LARGE1: variants seen among roughly 807,000 people sequenced by gnomAD.
LARGE1 encodes xylosyl- and glucuronyltransferase LARGE1.
In LARGE1, 43 loss-of-function variants were observed where a neutral mutation model predicts 87.6. The ratio of observed to expected loss-of-function variants is 0.49; its 90% CI spans 0.38 to 0.63. LARGE1 has a LOEUF of 0.63. Ranked by LOEUF, LARGE1 falls within the 30% of genes least tolerant of loss-of-function variation. The pLI is 0.00. For missense variants in LARGE1, 802 were observed against 1,000.2 expected, an observed-to-expected ratio of 0.80 and a Z score of 2.67; for synonymous variants, 434 against 394.6, an observed-to-expected ratio of 1.10 and a Z score of -1.18.
At chr22:33,579,178 A>G (rs1208564316) in intron 5 of LARGE1, among the ~76,000 whole-genome samples, 1 of 152,142 alleles carries the variant, frequency 6.6e-6, no homozygotes, top group African/African-American at 2.4e-5. Context: ...AGGTAATTGA[A>G]TCATGGGGGC....
chr22:33,337,256 G>T (rs879404832), intron 10 of LARGE1, among the ~76,000 whole-genome samples: 8 of 152,036 alleles, frequency 5.3e-5, no homozygotes. Flanking sequence ...AGCTCTTTTT[G>T]TGTTTCCCCA....
chr22:33,915,809 G>A (rs983079311), intron 1 of LARGE1, among the ~76,000 whole-genome samples: 6 of 151,970 alleles, frequency 3.9e-5, no homozygotes, highest in East Asian at 1.9e-4. Flanking sequence ...TTCCCTCTTC[G>A]GGCACATCCC....
chr22:33,127,628 A>G, the LARGE1 span, among the ~76,000 whole-genome samples: 3 of 152,222 alleles, frequency 2.0e-5, no homozygotes, highest in Non-Finnish European at 4.4e-5. Flanking sequence ...AAACAAACTT[A>G]AAGTACAACA....
chr22:33,566,383 G>A (rs1030535150), intron 5 of LARGE1, among the ~76,000 whole-genome samples: 1 of 152,192 alleles, frequency 6.6e-6, no homozygotes, highest in East Asian at 1.9e-4. Flanking sequence ...ACAACTACGT[G>A]TAATCAAACC....
intron 9 of LARGE1, among the ~76,000 whole-genome samples, chr22:33,378,664 T>A (rs540044969): frequency 6.6e-6 from 1 of 152,324 alleles, no homozygotes; most frequent in East Asian, 1.9e-4. Flanking sequence ...GTGGGGTTAT[T>A]TTCCTACAAT....
At chr22:33,696,519 T>G (rs2149354971) in intron 2 of LARGE1, among the ~76,000 whole-genome samples, 1 of 152,224 alleles carries the variant, frequency 6.6e-6, no homozygotes, top group Middle Eastern at 3.4e-3. Flanking sequence ...CGCCTTGGCC[T>G]CCCAAAGTGC....
At chr22:33,868,328 A>G (rs957105888) in intron 1 of LARGE1, among the ~76,000 whole-genome samples, 3 of 152,204 alleles carry the variant, frequency 2.0e-5, no homozygotes, top group Non-Finnish European at 4.4e-5. Context: ...GCTTTTATAC[A>G]TGTACTAAAA....
At chr22:33,288,214 CAT>C (rs1352760336) in intron 12 of LARGE1, among the ~76,000 whole-genome samples, 2 of 152,204 alleles carry the variant, frequency 1.3e-5, no homozygotes, top group African/African-American at 4.8e-5. Context: ...TAATAGCTAA[CAT>C]GTACAATCAG....
intron 2 of LARGE1, among the ~76,000 whole-genome samples, chr22:33,662,076 CAAAAAAAAAAAA>C (rs34470280): frequency 1.3e-4 from 7 of 54,908 alleles, no homozygotes; most frequent in Middle Eastern, 0.038. Context: ...GCTTAGGAGC[CAAAAAAAAAAAA>C]AAAAAAAAAA....
At chr22:33,270,685 G>C (rs1477594459), downstream of LARGE1, among the ~76,000 whole-genome samples, 1 of 152,056 alleles carries the variant, frequency 6.6e-6, no homozygotes, top group Admixed American at 6.6e-5. Context: ...GTCTGAGAGG[G>C]GATTTGAATC....
chr22:33,785,128 T>TGC (rs1569445894), intron 1 of LARGE1, among the ~76,000 whole-genome samples: 1 of 60,322 alleles, frequency 1.7e-5, no homozygotes, highest in African/African-American at 7.0e-5. Flanking sequence ...TATATGCATA[T>TGC]ATGTGTATAC....
chr22:33,911,115 A>G (rs1466622066), intron 1 of LARGE1, among the ~76,000 whole-genome samples: 1 of 152,206 alleles, frequency 6.6e-6, no homozygotes, highest in African/African-American at 2.4e-5. Context: ...GCACAAAAGA[A>G]ACACTGGAAG....
chr22:33,068,186 G>C, the LARGE1 span, among the ~76,000 whole-genome samples: 5 of 152,140 alleles, frequency 3.3e-5, no homozygotes, highest in Non-Finnish European at 5.9e-5. Context: ...ACCTGTGGTT[G>C]TGATTTTTGT....
intron 5 of LARGE1, among the ~76,000 whole-genome samples, chr22:33,586,257 G>A (rs1213390199): frequency 6.6e-6 from 1 of 152,134 alleles, no homozygotes; most frequent in Non-Finnish European, 1.5e-5. Flanking sequence ...AAGGGTAGGC[G>A]CTCGCATGCA....
intron 5 of LARGE1, among the ~76,000 whole-genome samples, chr22:33,580,791 A>G (rs1176263389): frequency 3.9e-5 from 6 of 152,152 alleles, no homozygotes; most frequent in African/African-American, 1.4e-4. Context: ...ATTGCTTGCT[A>G]TTTTCTCTTC....
the LARGE1 span, among the ~76,000 whole-genome samples, chr22:33,113,035 T>C: frequency 1.3e-5 from 2 of 152,162 alleles, no homozygotes; most frequent in Non-Finnish European, 2.9e-5. Flanking sequence ...CTCAGAGAAA[T>C]GACATGTTAG....
intron 11 of LARGE1, chr22:33,166,979 T>C: frequency 2.6e-6 from 1 of 391,066 alleles, no homozygotes; most frequent in Non-Finnish European, 5.2e-6. Flanking sequence ...CCTTCTCCAG[T>C]ATATTTTTCC....
chr22:33,286,367 G>A (rs1931536674), intron 12 of LARGE1, among the ~76,000 whole-genome samples: 1 of 152,096 alleles, frequency 6.6e-6, no homozygotes, highest in Non-Finnish European at 1.5e-5. Context: ...TATTGGGGGT[G>A]GGATATATGG....
At chr22:33,530,872 A>G (rs2148570447) in intron 6 of LARGE1, among the ~76,000 whole-genome samples, 1 of 152,334 alleles carries the variant, frequency 6.6e-6, no homozygotes, top group African/African-American at 2.4e-5. Context: ...CTTTGCTACT[A>G]AAAGAACAGT....
Sources: allele counts gnomAD v4.1 joint callset (sites outside exome capture counted in the v4.1 genomes callset), GRCh38; gene constraint gnomAD v4.1.1; transcripts MANE v1.5; gene names NCBI Gene and HGNC (gene_info 2026-07-23, HGNC 2026-07-21).